The following POLR2F variants were observed in gnomAD, a reference collection of about 807,000 sequenced individuals.
The protein encoded by POLR2F is RNA polymerase II, I and III subunit F.
Under a neutral mutation model 22.7 loss-of-function variants are expected in POLR2F, and 12 were observed. That is an observed-to-expected ratio of 0.53 (90% CI 0.34 to 0.86). The LOEUF is 0.86. Among genes scored for constraint, POLR2F ranks in the 40% least tolerant of loss-of-function variants. The pLI, the probability that POLR2F is intolerant of heterozygous loss-of-function variation, is 0.02. For missense variants in POLR2F, 126 were observed against 171.5 expected (o/e 0.73, Z 1.48); for synonymous variants, 57 against 66.0 (o/e 0.86, Z 0.66).
At position 37,965,975 on chromosome 22, in the gene POLR2F, T is replaced by G. The variant is rs542812386; in HGVS notation, c.222-1124T>G. ...CTTTGCTTGGTGGTAGAGTCCCCACTGTGGGCCAAGTGTTATGCTGGGGGC... is the reference window on the plus strand; with the variant it reads ...CTTTGCTTGGTGGTAGAGTCCCCACGGTGGGCCAAGTGTTATGCTGGGGGC... On this transcript the variant is annotated intron_variant, in intron 3 of 4. Coordinates refer to ENST00000442738, the MANE Select transcript of POLR2F (RefSeq NM_021974.5). Among the ~76,000 whole-genome samples, 16 of 152,312 alleles carry G rather than the reference T, an allele frequency of 1.1e-4. No individual in the cohort carries two copies. The South Asian group carries it at 3.3e-3, about 32-fold the overall frequency.
chr22:37,995,400 C>G (rs1294243925), intron 1 of POLR2F, among the ~76,000 whole-genome samples: 1 of 152,168 alleles, frequency 6.6e-6, no homozygotes, highest in Admixed American at 6.5e-5. Flanking sequence ...ACATCCTTCC[C>G]TGCTGGGAGA....
downstream of POLR2F, among the ~76,000 whole-genome samples, chr22:38,031,004 A>G (rs961190321): frequency 4.6e-5 from 7 of 152,024 alleles, no homozygotes; most frequent in Admixed American, 4.6e-4. This position sits in a 1 kb window ranked among gnomAD's most constrained non-coding sequence, Gnocchi z 4.1. Context: ...GCCCTGGGCA[A>G]GAGGTAAGGA....
rs531870491 is a variant in POLR2F, at chr22:37,978,806, T to G, written c.293+11636T>G. 1.3e-5 allele frequency among the ~76,000 whole-genome samples: 2 copies of G among 152,152 alleles called. No individual in the cohort carries two copies. Among genetic ancestry groups the G allele is most frequent in the South Asian group, 4.1e-4 (2 of 4,826 alleles). ...TCTTTTTTTTTTCTGTGAGGGAATC[T>G]CACTCTGTCACCCATGCTAGAGCTC... On this transcript the variant is annotated intron_variant, in intron 4 of 4. Coordinates refer to the POLR2F transcript ENST00000405557. The surrounding 1 kb of genome is among the most constrained non-coding windows in gnomAD (Gnocchi z 5.0).
At chr22:37,994,284 C>T (rs1293270901) in intron 1 of POLR2F, among the ~76,000 whole-genome samples, 1 of 152,146 alleles carries the variant, frequency 6.6e-6, no homozygotes, top group Non-Finnish European at 1.5e-5. Context: ...AGGCTGAGGG[C>T]CTCACACACA....
chr22:37,956,856 C>G lies in POLR2F; in HGVS notation c.90+14C>G, dbSNP rs758395611. On this transcript the variant is annotated intron_variant, in intron 2 of 4. Coordinates refer to ENST00000442738, the MANE Select transcript of POLR2F (RefSeq NM_021974.5). ...AATGCCGAAGAGGTCAGTATTCAGC[C>G]TCAGGCTCCCACCTCTGCAGCCCAA... 96 of 1,601,240 alleles carry G rather than the reference C, an allele frequency of 6.0e-5. No individual in the cohort carries two copies. Among genetic ancestry groups the G allele is most frequent in the Admixed American group, 2.8e-4 (17 of 59,998 alleles).
chr22:37,966,006 C>T (rs955495539), intron 3 of POLR2F, among the ~76,000 whole-genome samples: 3 of 152,112 alleles, frequency 2.0e-5, no homozygotes, highest in Admixed American at 6.6e-5. Flanking sequence ...GGGGCTGGGC[C>T]TCCGTGGTGA....
downstream of POLR2F, among the ~76,000 whole-genome samples, chr22:38,026,920 C>A (rs1372397936): frequency 6.6e-6 from 1 of 152,078 alleles, no homozygotes. Context: ...TGCCTTGCCC[C>A]AGCTCCCCCT....
intron 5 of POLR2F, among the ~76,000 whole-genome samples, chr22:38,039,194 C>T (rs2085147945): frequency 6.6e-6 from 1 of 152,234 alleles, no homozygotes; most frequent in Admixed American, 6.5e-5. Context: ...CCCGCTCCCA[C>T]CCGTGGGAAG....
Position 37,968,434 on chromosome 22 carries a change from G to A in POLR2F, c.*719G>A, listed in dbSNP as rs971515626. ...CATGCCTTCTTCCTAGCCTCTATAA[G>A]ATATCCTTTCCCTCCTATTTGGGGC... On this transcript the variant is annotated 3_prime_UTR_variant, in exon 5 of 5. Transcript: ENST00000442738. 3.0e-6 allele frequency: 3 copies of A among 985,846 alleles called. No individual in the cohort carries two copies. Among genetic ancestry groups the A allele is most frequent in the Non-Finnish European group, 2.4e-6 (2 of 830,270 alleles). 61.1% of individuals were successfully genotyped at this position (985,846 alleles called of 1,614,324 possible).
rs1374977230 is a variant in POLR2F at position 37,997,882 on chromosome 22, C to T, written c.120+11570C>T. Among the ~76,000 whole-genome samples the T allele has an allele frequency of 2.0e-5, 3 of 152,194 alleles. No homozygotes were observed. Among genetic ancestry groups the T allele is most frequent in the East Asian group, 1.9e-4 (1 of 5,196 alleles). On this transcript the variant is annotated intron_variant, in intron 1 of 2. Transcript: ENST00000333418. The surrounding 1 kb of genome is among the most constrained non-coding windows in gnomAD (Gnocchi z 4.4). ...GATGCGTCCGAGCCTCCCTAGGACA[C>T]GACCCTCACAGAGTCATGGACCGCA...
intron 1 of POLR2F, among the ~76,000 whole-genome samples, chr22:38,009,970 C>T (rs1324052608): frequency 6.6e-6 from 1 of 152,212 alleles, no homozygotes; most frequent in African/African-American, 2.4e-5. Flanking sequence ...ACAAATAAAG[C>T]TCCTATGAAC....
chr22:38,033,581 GC>G (rs1195766732), intron 5 of POLR2F, among the ~76,000 whole-genome samples: 3 of 152,222 alleles, frequency 2.0e-5, no homozygotes, highest in Non-Finnish European at 4.4e-5. Context: ...GGCTGGCACA[GC>G]CTCTGAGGCC....
At position 37,967,964 on chromosome 22, in the gene POLR2F, A is replaced by C; in HGVS notation, c.*249A>C. The C allele has an allele frequency of 1.8e-6, 2 of 1,133,516 alleles. No individual in the cohort carries two copies. The highest frequency in any genetic ancestry group is 1.6e-5 in the African/African-American group (1 of 61,298). The allele number at this position is 1,133,516 out of a possible 1,614,324, so 70.2% of individuals were successfully genotyped here. On this transcript the variant is annotated 3_prime_UTR_variant, in exon 5 of 5. Transcript: ENST00000442738. ...TTGGATCCCCCACATCCTTCCCTCC[A>C]TCTCCCTGTTCCCCAGAGCAAAGGC...
At chr22:37,977,763 C>T in intron 4 of POLR2F, 1 of 1,300,122 alleles carries the variant, frequency 7.7e-7, no homozygotes, top group South Asian at 1.4e-5. Context: ...AACTGCACAG[C>T]CTGGCACGCT....
chr22:37,972,344 G>A, downstream of POLR2F: 1 of 740,946 alleles, frequency 1.3e-6, no homozygotes, highest in South Asian at 1.4e-5. Context: ...TATGTGGAAT[G>A]CTTAATGCAG....
At chr22:37,970,237 T>C (rs574672936), downstream of POLR2F, among the ~76,000 whole-genome samples, 2 of 134,950 alleles carry the variant, frequency 1.5e-5, no homozygotes, top group South Asian at 4.7e-4. Context: ...GAGCTTGCAG[T>C]GAGCCGAGAT....
chr22:38,035,257 A>C (rs541417186), intron 5 of POLR2F, among the ~76,000 whole-genome samples: 2 of 152,250 alleles, frequency 1.3e-5, no homozygotes, highest in Admixed American at 6.5e-5. Context: ...ATTAACTGTT[A>C]ACAACAGGCG....
At chr22:38,041,161 A>G (rs540193862), downstream of POLR2F, 5 of 1,611,392 alleles carry the variant, frequency 3.1e-6, no homozygotes, top group South Asian at 5.5e-5. Context: ...CAGGCTGGTG[A>G]CTAGTGCTGG....
chr22:37,967,520 C>T (rs1444703181), intron 4 of POLR2F, 105 bp from the exon 5 acceptor site: 1 of 1,529,378 alleles, frequency 6.5e-7, no homozygotes, highest in East Asian at 2.3e-5. Flanking sequence ...CAAGAGGCTG[C>T]TCCTAAGACT....
Sources: gnomAD v4.1 joint callset for allele counts (sites outside exome capture counted in the v4.1 genomes callset) on GRCh38, gnomAD v4.1.1 for gene constraint, Gnocchi (gnomAD v3.1) non-coding constraint, MANE v1.5 for transcripts, NCBI Gene and HGNC (gene_info 2026-07-23, HGNC 2026-07-21) for gene names.